AMBP: variants seen among roughly 807,000 people sequenced by gnomAD.
AMBP encodes protein AMBP.
AMBP carries 37 observed loss-of-function variants against 46.3 expected under a neutral mutation model. The observed-to-expected ratio is 0.80, with a 90% confidence interval of 0.61 to 1.05. The LOEUF (loss-of-function observed/expected upper bound fraction) is 1.05. Ranked by LOEUF, AMBP falls within the 50% of genes least tolerant of loss-of-function variation. The pLI, the probability that AMBP is intolerant of heterozygous loss-of-function variation, is 0.00. For synonymous variants in AMBP, 174 were observed against 175.9 expected, an observed-to-expected ratio of 0.99 and a Z score of 0.09; for missense variants, 475 against 461.2, an observed-to-expected ratio of 1.03 and a Z score of -0.27.
At chr9:114,077,066 G>T (rs1170632268) in intron 1 of AMBP, among the ~76,000 whole-genome samples, 1 of 152,172 alleles carries the variant, frequency 6.6e-6, no homozygotes, top group Admixed American at 6.5e-5. Context: ...CTCCCCAAGA[G>T]CTGGAGTCCT....
chr9:114,069,522 G>A (rs111528338), intron 6 of AMBP, among the ~76,000 whole-genome samples, 177 bp downstream of exon 6: 1,822 of 152,266 alleles, frequency 0.012, 36 homozygotes, highest in African/African-American at 0.042. Context: ...TAGTCCAGGT[G>A]GCAGAATCAA....
intron 1 of AMBP, chr9:114,077,587 C>T (rs559750797): frequency 6.2e-6 from 1 of 160,764 alleles, no homozygotes; most frequent in Non-Finnish European, 1.4e-5. Flanking sequence ...TCCTGCTTCA[C>T]CTCTTCCCAT....
intron 2 of AMBP, among the ~76,000 whole-genome samples, chr9:114,075,778 G>T (rs575387419): frequency 6.6e-6 from 1 of 152,192 alleles, no homozygotes; most frequent in Non-Finnish European, 1.5e-5. Context: ...CTGAACCTGG[G>T]TGTCTGGGAG....
chr9:114,066,326 A>G (rs1038169146), intron 6 of AMBP, among the ~76,000 whole-genome samples: 3 of 151,854 alleles, frequency 2.0e-5, no homozygotes, highest in African/African-American at 7.3e-5. Context: ...GAAATTCCTC[A>G]ATGCCTTCAA....
intron 6 of AMBP, among the ~76,000 whole-genome samples, 180 bp from the exon 7 acceptor site, chr9:114,062,938 G>T (rs1169187237): frequency 6.6e-6 from 1 of 152,126 alleles, no homozygotes; most frequent in Non-Finnish European, 1.5e-5. Context: ...TCCTGAACAG[G>T]CATCAGAGGA....
At chr9:114,061,134 C>G (rs774212445) in intron 8 of AMBP, 36 bp from the exon 9 acceptor site, 3 of 1,606,688 alleles carry the variant, frequency 1.9e-6, no homozygotes, top group Non-Finnish European at 2.6e-6. Flanking sequence ...CTTGAGAAAC[C>G]CTTGTGACTG....
chr9:114,069,555 C>T, intron 6 of AMBP, 144 bp downstream of exon 6: 1 of 771,992 alleles, frequency 1.3e-6, no homozygotes, highest in South Asian at 1.7e-5. Context: ...GTGAGTCTGA[C>T]TTCAACACTC....
intron 5 of AMBP, among the ~76,000 whole-genome samples, chr9:114,072,179 G>T (rs1197407345): frequency 6.6e-6 from 1 of 152,226 alleles, no homozygotes; most frequent in Non-Finnish European, 1.5e-5. Flanking sequence ...AGACCTGGGA[G>T]CTCCACCAGC....
chr9:114,069,846 TGTC>T (rs1246874116), intron 5 of AMBP, 101 bp from the exon 6 acceptor site: 23 of 1,265,626 alleles, frequency 1.8e-5, no homozygotes, highest in Non-Finnish European at 2.4e-5. Context: ...GCTGGGAACT[TGTC>T]GTGCCTTAGT....
intron 1 of AMBP, 117 bp downstream of exon 1, chr9:114,077,976 C>A: frequency 1.0e-6 from 1 of 987,264 alleles, no homozygotes; most frequent in Non-Finnish European, 1.6e-6. Flanking sequence ...CCCATAATCC[C>A]AGATGATCTG....
At chr9:114,064,475 G>T (rs1448782720) in intron 6 of AMBP, among the ~76,000 whole-genome samples, 2 of 152,172 alleles carry the variant, frequency 1.3e-5, no homozygotes, top group Non-Finnish European at 2.9e-5. Context: ...GGAAAAATCT[G>T]AAAGGATGAA....
At chr9:114,070,389 GC>G (rs1846732360) in intron 5 of AMBP, among the ~76,000 whole-genome samples, 1 of 152,156 alleles carries the variant, frequency 6.6e-6, no homozygotes, top group Non-Finnish European at 1.5e-5. Flanking sequence ...CAGGCCCAGA[GC>G]CTCTGTTGCT....
chr9:114,074,936 T>C (rs1846789105), intron 3 of AMBP, 24 bp downstream of exon 3: 2 of 1,600,264 alleles, frequency 1.2e-6, no homozygotes, highest in Non-Finnish European at 1.7e-6. Context: ...AGAGAATGCA[T>C]GTGTCTCTTT....
chr9:114,070,213 G>A (rs1463808454), intron 5 of AMBP, among the ~76,000 whole-genome samples: 3 of 152,194 alleles, frequency 2.0e-5, no homozygotes, highest in African/African-American at 4.8e-5. Flanking sequence ...TGGGCCATCC[G>A]GAGTGGCCGC....
chr9:114,069,417 T>C (rs932767062), intron 6 of AMBP, among the ~76,000 whole-genome samples: 4 of 152,228 alleles, frequency 2.6e-5, no homozygotes, highest in Non-Finnish European at 4.4e-5. Context: ...TAAGAACTTT[T>C]CTATATGTCA....
In AMBP at chr9:114,074,063, C is replaced by G. The variant is rs1165599937; in HGVS notation, c.427G>C (p.Gly143Arg). ...FLTKKFSRHH[G>R]PTITAKLYGR... ...TAGAGCTTGGCAGTAATGGTGGGTC[C>G]ATGATGGCGGCTGAATTTCTTGGTC... Residue 143 changes from glycine to arginine, a missense_variant, in exon 4 of 10, where the codon GGA becomes CGA. Physicochemically the swap from Gly to Arg is moderately radical, Grantham distance 125. This residue lies in a region of AMBP where 293 missense variants were observed against 276.9 expected (regional missense o/e 1.06). Transcript: ENST00000265132. 5.6e-6 allele frequency: 9 copies of G among 1,614,174 alleles called. No individual in the cohort carries two copies. The highest frequency in any genetic ancestry group is 6.8e-6 in the Non-Finnish European group (8 of 1,180,034).
In AMBP at chr9:114,073,305, G is replaced by A. The variant is rs976635404; in HGVS notation, c.455-279C>T. 1.3e-3 allele frequency among the ~76,000 whole-genome samples: 199 copies of A among 150,896 alleles called. 3 individuals are homozygous for A. The highest frequency in any genetic ancestry group is 5.0e-4 in the Non-Finnish European group (34 of 67,806). The stretch of plus-strand genomic sequence containing the variant: ...TCTGTCGCCTAGGCTGGAGTGCAGT[G>A]GCGTGATCTCAGCTCACTGCAAGCT... On this transcript the variant is annotated intron_variant, in intron 4 of 9. Transcript: ENST00000265132.
At chr9:114,061,258 G>A (rs769901150) in intron 8 of AMBP, 160 bp from the exon 9 acceptor site, 28 of 1,397,404 alleles carry the variant, frequency 2.0e-5, no homozygotes, top group African/African-American at 4.3e-5. Context: ...TGATTTGCCC[G>A]AGGTCCTCCA....
intron 6 of AMBP, among the ~76,000 whole-genome samples, chr9:114,068,894 T>G (rs917474738): frequency 1.3e-5 from 2 of 151,716 alleles, no homozygotes; most frequent in African/African-American, 4.8e-5. Context: ...CATTTATTAG[T>G]TTTGTAAGAT....
Sources: allele counts gnomAD v4.1 joint callset (sites outside exome capture counted in the v4.1 genomes callset), GRCh38; gene constraint gnomAD v4.1.1; regional missense constraint gnomAD v4.1.1; transcripts MANE v1.5; gene names NCBI Gene and HGNC (gene_info 2026-07-23, HGNC 2026-07-21).